VPS26A: variants seen among roughly 807,000 people sequenced by gnomAD.
The protein encoded by VPS26A is VPS26 retromer complex component A.
VPS26A carries 22 observed loss-of-function variants against 42.4 expected under a neutral mutation model. That is an observed-to-expected ratio of 0.52 (90% CI 0.37 to 0.74). VPS26A has a LOEUF of 0.74. Ranked by LOEUF, VPS26A falls within the 30% of genes least tolerant of loss-of-function variation. The pLI, the probability that VPS26A is intolerant of heterozygous loss-of-function variation, is 0.00. For synonymous variants in VPS26A, 110 were observed against 123.5 expected (o/e 0.89, Z 0.73); for missense variants, 276 against 379.2 (o/e 0.73, Z 2.26).
chr10:69,124,786 C>T (rs1840613812), intron 1 of VPS26A, among the ~76,000 whole-genome samples: 1 of 152,236 alleles, frequency 6.6e-6, no homozygotes, highest in Non-Finnish European at 1.5e-5. Context: ...TTCATGACCC[C>T]AGTTCAGGCT....
intron 2 of VPS26A, among the ~76,000 whole-genome samples, chr10:69,148,972 G>A (rs113197058): frequency 3.9e-5 from 6 of 152,150 alleles, no homozygotes; most frequent in African/African-American, 1.2e-4. Context: ...TAGCCAGGAT[G>A]GTCTCCATCT....
rs529368308 is a variant in VPS26A at position 69,147,066 on chromosome 10, A to G, written c.154-8746A>G. On this transcript the variant is annotated intron_variant, in intron 2 of 8. Coordinates refer to ENST00000263559, the MANE Select transcript of VPS26A (RefSeq NM_004896.5). ...AATATATAAGGGTTTTGGTTTTTCC[A>G]TGTTCTTGGCAACACTTACTAATAT... is the stretch of plus-strand genomic sequence containing the variant. Among the ~76,000 whole-genome samples, 115 of 152,292 alleles carry G rather than the reference A, an allele frequency of 7.6e-4. 1 individual carries two copies. Among genetic ancestry groups the G allele is most frequent in the African/African-American group, 2.7e-3 (111 of 41,556 alleles).
intron 2 of VPS26A, among the ~76,000 whole-genome samples, chr10:69,142,182 C>CT (rs143922304): frequency 0.082 from 7,005 of 84,944 alleles, 818 homozygotes; most frequent in African/African-American, 0.24. Context: ...CATACCAGGC[C>CT]TTTTTTTTTT....
intron 2 of VPS26A, among the ~76,000 whole-genome samples, chr10:69,149,269 A>C (rs188053440): frequency 6.6e-6 from 1 of 152,208 alleles, no homozygotes; most frequent in African/African-American, 2.4e-5. Flanking sequence ...TGATGCATTG[A>C]AATAGATACA....
chr10:69,149,108 A>C (rs1477802380), intron 2 of VPS26A, among the ~76,000 whole-genome samples: 3 of 152,054 alleles, frequency 2.0e-5, no homozygotes, highest in Non-Finnish European at 4.4e-5. Context: ...TTTTAAACCT[A>C]TGTAGTCTCA....
intron 1 of VPS26A, among the ~76,000 whole-genome samples, chr10:69,125,377 T>TAAAATGGAA (rs1840627254): frequency 6.6e-6 from 1 of 152,188 alleles, no homozygotes; most frequent in African/African-American, 2.4e-5. Flanking sequence ...GGGACCCCAG[T>TAAAATGGAA]AAAATGGAAA....
chr10:69,173,895 G>A lies in VPS26A; in HGVS notation c.*2626G>A, dbSNP rs1394737055. Reference sequence around the variant, plus strand: ...GCCTGTAATCCCAGCTACTAGGGAGGCTGAGGCAGAATTGCTTGAACCCGG... The same window carrying A: ...GCCTGTAATCCCAGCTACTAGGGAGACTGAGGCAGAATTGCTTGAACCCGG... On this transcript the variant is annotated 3_prime_UTR_variant, in exon 9 of 9. Coordinates refer to ENST00000263559, the MANE Select transcript of VPS26A (RefSeq NM_004896.5). Among the ~76,000 whole-genome samples the A allele has an allele frequency of 7.0e-6, 1 of 143,006 alleles. No homozygotes were observed. Among genetic ancestry groups the A allele is most frequent in the African/African-American group, 2.6e-5 (1 of 38,276 alleles). The allele number at this position is 143,006 out of a possible 152,430, so 93.8% of individuals were successfully genotyped here.
At chr10:69,144,790 T>A (rs11816755) in intron 2 of VPS26A, among the ~76,000 whole-genome samples, 27,158 of 151,824 alleles carry the variant, frequency 0.18, 2,827 homozygotes, top group Non-Finnish European at 0.23. Flanking sequence ...GTTTTATATA[T>A]CTAGATATGG....
At chr10:69,152,957 G>A (rs976658660) in intron 2 of VPS26A, among the ~76,000 whole-genome samples, 72 of 126,870 alleles carry the variant, frequency 5.7e-4, no homozygotes, top group African/African-American at 1.7e-3. Flanking sequence ...GCGACAGAGC[G>A]AGGCTCTGTC....
rs1411927752 is a variant in VPS26A at position 69,173,735 on chromosome 10, C to T, written c.*2466C>T. On this transcript the variant is annotated 3_prime_UTR_variant, in exon 9 of 9. Transcript: ENST00000263559. ...ACCAATCAGGCTGGGCACAGTGGCT[C>T]ACGCCTGTAATCCCAGCACTTTGGG... Among the ~76,000 whole-genome samples the T allele has an allele frequency of 2.6e-5, 4 of 152,324 alleles. No individual in the cohort carries two copies. In the East Asian group the frequency reaches 7.7e-4, roughly 29 times the overall value.
intron 7 of VPS26A, among the ~76,000 whole-genome samples, chr10:69,167,742 CAAAAAAAA>C (rs35974356): frequency 6.0e-5 from 4 of 66,326 alleles, no homozygotes; most frequent in African/African-American, 2.5e-4. Context: ...GACTCCATCT[CAAAAAAAA>C]AAAAAAAAAA....
At position 69,171,443 on chromosome 10, in the gene VPS26A, G is replaced by T; in HGVS notation, c.*174G>T. On this transcript the variant is annotated 3_prime_UTR_variant, in exon 9 of 9. Transcript: ENST00000263559. ...TATTTTATGATATAATGAAATGTTC[G>T]TTCATGTATATACATTTTTAAAAGT... The T allele has an allele frequency of 1.9e-6, 1 of 517,464 alleles. No individual in the cohort carries two copies. Among genetic ancestry groups the T allele is most frequent in the Non-Finnish European group, 3.3e-6 (1 of 300,416 alleles). 32.1% of individuals were successfully genotyped at this position (517,464 alleles called of 1,614,324 possible). A position where few individuals can be genotyped will look rare whatever the true frequency, so the allele number is the denominator to read the frequency against.
At chr10:69,126,141 C>T (rs1297220743) in intron 1 of VPS26A, among the ~76,000 whole-genome samples, 3 of 151,984 alleles carry the variant, frequency 2.0e-5, no homozygotes, top group African/African-American at 7.2e-5. Flanking sequence ...ATATCTTTAC[C>T]AAAAGAAGTG....
chr10:69,166,766 G>C (rs7098408), intron 7 of VPS26A, among the ~76,000 whole-genome samples: 1,742 of 152,248 alleles, frequency 0.011, 42 homozygotes, highest in African/African-American at 0.04. Flanking sequence ...GCAGCCACCA[G>C]TTTTTATGTA....
chr10:69,131,284 A>G (rs1840772464), intron 1 of VPS26A, among the ~76,000 whole-genome samples: 1 of 152,150 alleles, frequency 6.6e-6, no homozygotes, highest in South Asian at 2.1e-4. Context: ...CCAGCCAGAT[A>G]TGTTTTTTAA....
At chr10:69,165,956 T>A (rs1408815840) in intron 6 of VPS26A, 86 bp from the exon 7 acceptor site, 5 of 1,316,564 alleles carry the variant, frequency 3.8e-6, no homozygotes, top group Non-Finnish European at 5.3e-6. Flanking sequence ...TAAAAAAAAA[T>A]AATGTAGTGG....
chr10:69,162,765 C>T (rs1343155581), intron 6 of VPS26A, among the ~76,000 whole-genome samples: 1 of 151,962 alleles, frequency 6.6e-6, no homozygotes, highest in African/African-American at 2.4e-5. Context: ...AAAGAGTATA[C>T]AGTAAAAAGT....
At chr10:69,166,009 T>C (rs1256995811) in intron 6 of VPS26A, 33 bp from the exon 7 acceptor site, 1 of 1,577,236 alleles carries the variant, frequency 6.3e-7, no homozygotes, top group Admixed American at 1.7e-5. Context: ...TTCTGGAATA[T>C]TTAAATTAAT....
intron 2 of VPS26A, among the ~76,000 whole-genome samples, chr10:69,137,066 A>G (rs1203137036): frequency 6.6e-6 from 1 of 152,248 alleles, no homozygotes; most frequent in Non-Finnish European, 1.5e-5. Flanking sequence ...CTGGGATTAC[A>G]GGCGTGAGCC....
Sources: gnomAD v4.1 joint callset for allele counts (sites outside exome capture counted in the v4.1 genomes callset) on GRCh38, gnomAD v4.1.1 for gene constraint, MANE v1.5 for transcripts, NCBI Gene and HGNC (gene_info 2026-07-23, HGNC 2026-07-21) for gene names.